The following CLDN10 variants were observed in gnomAD, a reference collection of about 807,000 sequenced individuals.
CLDN10 encodes claudin-10.
A neutral mutation model predicts 22.9 loss-of-function variants in CLDN10; 15 were observed. The ratio of observed to expected loss-of-function variants is 0.65; its 90% confidence interval spans 0.44 to 1.01. The LOEUF is 1.01. Ranked by LOEUF, CLDN10 falls within the 50% of genes least tolerant of loss-of-function variation. The pLI, the probability that CLDN10 is intolerant of heterozygous loss-of-function variation, is 0.00. For synonymous variants in CLDN10, 114 were observed against 111.4 expected (o/e 1.02, Z -0.15); for missense variants, 247 against 287.8 (o/e 0.86, Z 1.03).
intron 1 of CLDN10, among the ~76,000 whole-genome samples, chr13:95,491,536 A>C (rs1035529532): frequency 3.9e-5 from 6 of 151,996 alleles, no homozygotes; most frequent in Non-Finnish European, 5.9e-5. Context: ...TCTGTAAGCT[A>C]TCTATTTCCT....
rs757010802 is a variant in CLDN10, at chr13:95,488,335, C to G, written c.214+54288C>G. Among the ~76,000 whole-genome samples the G allele has an allele frequency of 3.3e-5, 5 of 151,642 alleles. No homozygotes were observed. The South Asian group carries it at 8.3e-4, about 25-fold the overall frequency. On this transcript the variant is annotated intron_variant, in intron 1 of 4. Coordinates refer to the CLDN10 transcript ENST00000376873. ...AGAATTACAGGTGTGAACCACCATG[C>G]CTGGCCTCAAATTTTTTTTTTAACA...
chr13:95,540,564 T>G (rs1279758045), intron 1 of CLDN10, among the ~76,000 whole-genome samples: 1 of 152,228 alleles, frequency 6.6e-6, no homozygotes, highest in Non-Finnish European at 1.5e-5. Flanking sequence ...TAGTTGTTAA[T>G]ATGCATTAGG....
intron 1 of CLDN10, among the ~76,000 whole-genome samples, chr13:95,544,253 G>A (rs1041466347): frequency 1.3e-5 from 2 of 152,110 alleles, no homozygotes; most frequent in Non-Finnish European, 2.9e-5. Context: ...GTATCATTCA[G>A]GTTGCTTAAC....
chr13:95,538,156 T>C (rs1343446525), intron 1 of CLDN10, among the ~76,000 whole-genome samples: 1 of 17,180 alleles, frequency 5.8e-5, no homozygotes, highest in Non-Finnish European at 2.5e-4. Flanking sequence ...TTTATTTCTT[T>C]TTTTTTTTTT....
chr13:95,471,575 C>G (rs1339977237), intron 1 of CLDN10, among the ~76,000 whole-genome samples: 1 of 151,298 alleles, frequency 6.6e-6, no homozygotes, highest in African/African-American at 2.4e-5. Flanking sequence ...GCCTCAGCCT[C>G]CTAAATAGCT....
intron 1 of CLDN10, among the ~76,000 whole-genome samples, chr13:95,507,630 T>A (rs1238478589): frequency 6.6e-6 from 1 of 151,756 alleles, no homozygotes; most frequent in African/African-American, 2.4e-5. Flanking sequence ...AAAAAAAATT[T>A]TTTTTTTTTT....
At chr13:95,473,465 C>T (rs949359699) in intron 1 of CLDN10, among the ~76,000 whole-genome samples, 16 of 152,216 alleles carry the variant, frequency 1.1e-4, no homozygotes, top group African/African-American at 3.9e-4. Context: ...GCCTGCATGC[C>T]AAGTGATGAG....
chr13:95,554,346 A>G (rs2043607000), intron 1 of CLDN10, among the ~76,000 whole-genome samples: 2 of 152,160 alleles, frequency 1.3e-5, no homozygotes, highest in African/African-American at 4.8e-5. Flanking sequence ...TTGTTCTCTG[A>G]GATAGTGTGC....
chr13:95,567,640 C>T (rs1165184062), intron 3 of CLDN10, among the ~76,000 whole-genome samples: 1 of 152,166 alleles, frequency 6.6e-6, no homozygotes, highest in Non-Finnish European at 1.5e-5. Flanking sequence ...TTGCCCTGGC[C>T]AGAACTTCCA....
intron 1 of CLDN10, among the ~76,000 whole-genome samples, chr13:95,504,024 G>GTCC (rs2043012379): frequency 6.6e-6 from 1 of 152,136 alleles, no homozygotes; most frequent in African/African-American, 2.4e-5. Flanking sequence ...AAATGAAAAG[G>GTCC]AGTAGTCATG....
chr13:95,574,518 T>G (rs1415876695), intron 3 of CLDN10, among the ~76,000 whole-genome samples: 1 of 152,158 alleles, frequency 6.6e-6, no homozygotes, highest in Non-Finnish European at 1.5e-5. Context: ...ACCTGTAATC[T>G]CAGCCCTTTA....
intron 1 of CLDN10, among the ~76,000 whole-genome samples, chr13:95,559,478 A>G (rs1186285234): frequency 1.3e-5 from 2 of 152,194 alleles, no homozygotes; most frequent in African/African-American, 4.8e-5. Flanking sequence ...GTGCTTTTTA[A>G]AACCCAGTTT....
rs985851504 is a variant in CLDN10, at chr13:95,560,304, A to T, written c.382+11A>T. ...TATTCATACTGTCAGGTAAATAGTA[A>T]CTTTCTTCCAAACAAGGTACTTGAT... On this transcript the variant is annotated intron_variant, in intron 2 of 4. Transcript: ENST00000299339. The T allele has an allele frequency of 6.2e-7, 1 of 1,613,894 alleles. No individual in the cohort carries two copies. The highest frequency in any genetic ancestry group is 8.5e-7 in the Non-Finnish European group (1 of 1,179,760).
intron 1 of CLDN10, among the ~76,000 whole-genome samples, chr13:95,471,440 C>CACACACACAT (rs746573300): frequency 1.1e-4 from 11 of 104,376 alleles, no homozygotes; most frequent in Non-Finnish European, 1.3e-4. Flanking sequence ...CACACACACA[C>CACACACACAT]ATATATATAT....
chr13:95,472,873 G>A (rs7318691), intron 1 of CLDN10, among the ~76,000 whole-genome samples: 44,893 of 151,704 alleles, frequency 0.3, 7,863 homozygotes, highest in Non-Finnish European at 0.39. Context: ...TGGTGCAGTG[G>A]CTCACACCTG....
At chr13:95,438,082 C>A (rs899728325) in intron 1 of CLDN10, among the ~76,000 whole-genome samples, 2 of 152,180 alleles carry the variant, frequency 1.3e-5, no homozygotes, top group African/African-American at 4.8e-5. Context: ...AAGACAGGGT[C>A]TCACTCTGTC....
At chr13:95,486,808 G>A (rs2042809565) in intron 1 of CLDN10, among the ~76,000 whole-genome samples, 1 of 152,132 alleles carries the variant, frequency 6.6e-6, no homozygotes, top group South Asian at 2.1e-4. Flanking sequence ...GCCACGTTGT[G>A]AGCTCTTTGG....
At chr13:95,575,383 T>C (rs886357461) in intron 3 of CLDN10, among the ~76,000 whole-genome samples, 1 of 152,232 alleles carries the variant, frequency 6.6e-6, no homozygotes, top group East Asian at 1.9e-4. Context: ...CCAAATGACA[T>C]GCACCTCCAG....
chr13:95,504,618 G>A (rs1313532594), intron 1 of CLDN10, among the ~76,000 whole-genome samples: 1 of 152,076 alleles, frequency 6.6e-6, no homozygotes, highest in African/African-American at 2.4e-5. Context: ...GACCTCAGGT[G>A]ATCTGCCTGC....
Sources: gnomAD v4.1 joint callset for allele counts (sites outside exome capture counted in the v4.1 genomes callset) on GRCh38, gnomAD v4.1.1 for gene constraint, MANE v1.5 for transcripts, NCBI Gene and HGNC (gene_info 2026-07-23, HGNC 2026-07-21) for gene names.